SASH1: variants seen among roughly 807,000 people sequenced by gnomAD.
SASH1 encodes the protein SAM and SH3 domain-containing protein 1.
A neutral mutation model predicts 125.2 loss-of-function variants in SASH1; 44 were observed. That is an observed-to-expected ratio of 0.35 (90% CI 0.28 to 0.45). The LOEUF (loss-of-function observed/expected upper bound fraction) is 0.45, where lower values mean the gene tolerates loss of function less well. Among genes scored for constraint, SASH1 ranks in the 20% least tolerant of loss-of-function variants. The probability of loss-of-function intolerance (pLI) is 1.00; values close to 1 mark genes in which losing one functional copy is unlikely to be tolerated. For synonymous variants in SASH1, 639 were observed against 649.1 expected (o/e 0.98, Z 0.24); for missense variants, 1,426 against 1,614.5 (o/e 0.88, Z 2.00).
At chr6:148,271,654 A>G (rs537224165), upstream of SASH1, among the ~76,000 whole-genome samples, 55 of 152,304 alleles carry the variant, frequency 3.6e-4, no homozygotes, top group African/African-American at 1.3e-3. Context: ...GCCCCAGCGA[A>G]GGTGTTTCAG....
At chr6:148,336,673 T>C (rs1781165508) in intron 1 of SASH1, among the ~76,000 whole-genome samples, 1 of 152,224 alleles carries the variant, frequency 6.6e-6, no homozygotes, top group Non-Finnish European at 1.5e-5. Flanking sequence ...AAACATTTGA[T>C]TGGATATAAT....
chr6:148,299,086 A>G (rs1779861777), intron 1 of SASH1, among the ~76,000 whole-genome samples: 1 of 152,220 alleles, frequency 6.6e-6, no homozygotes, highest in South Asian at 2.1e-4. Context: ...TTTTTGAGTT[A>G]AAGGAGGGAA....
In SASH1 at chr6:148,544,684, G is replaced by A; in HGVS notation, c.3214G>A (p.Glu1072Lys). The A allele has an allele frequency of 6.2e-7, 1 of 1,613,152 alleles. No individual in the cohort carries two copies. The highest frequency in any genetic ancestry group is 8.5e-7 in the Non-Finnish European group (1 of 1,179,604). ...SELPENTSLQ[E>K]HGVKLGPALT... ...GCTCCCCGAGAACACAAGCCTCCAG[G>A]AGCACGGTGTGAAGCTGGGCCCGGC... The change falls in exon 18 of 20, where the codon GAG becomes AAG. Residue 1072 changes from glutamate to lysine, a missense_variant. Glu to Lys is a moderately conservative substitution (Grantham distance 56, BLOSUM62 1). Around this residue, in one of 3 missense-constraint regions of SASH1, gnomAD observed 634 missense variants for 694.4 expected, o/e 0.91. Coordinates refer to ENST00000367467, the MANE Select transcript of SASH1 (RefSeq NM_015278.5). The surrounding 1 kb of genome is among the most constrained non-coding windows in gnomAD (Gnocchi z 6.4).
At chr6:148,402,024 T>G (rs1211997979) in intron 2 of SASH1, among the ~76,000 whole-genome samples, 1 of 152,254 alleles carries the variant, frequency 6.6e-6, no homozygotes, top group Admixed American at 6.5e-5. Flanking sequence ...TCAGTCATTT[T>G]GATTCATGAA....
At chr6:148,336,588 G>C (rs549417077) in intron 1 of SASH1, among the ~76,000 whole-genome samples, 2 of 152,290 alleles carry the variant, frequency 1.3e-5, no homozygotes, top group African/African-American at 2.4e-5. Context: ...CTCTAAACCA[G>C]AAGTGGTTCA....
intron 1 of SASH1, among the ~76,000 whole-genome samples, chr6:148,321,390 T>TA (rs10573800): frequency 3.5e-4 from 49 of 141,828 alleles, no homozygotes; most frequent in South Asian, 1.4e-3. Context: ...AACTCTGTCT[T>TA]AAAAAAAAAA....
intron 2 of SASH1, among the ~76,000 whole-genome samples, chr6:148,422,932 G>A (rs1458153192): frequency 1.3e-5 from 2 of 151,348 alleles, no homozygotes; most frequent in Non-Finnish European, 2.9e-5. Context: ...GTGGTTTTTT[G>A]TTTGTTTGTT....
At position 148,436,523 on chromosome 6, in the gene SASH1, A is replaced by T. The variant is rs150496340; in HGVS notation, c.286-3661A>T. 6.8e-3 allele frequency among the ~76,000 whole-genome samples: 1,039 copies of T among 152,072 alleles called. 4 individuals carry two copies. The highest frequency in any genetic ancestry group is 0.01 in the African/African-American group (428 of 41,526). On this transcript the variant is annotated intron_variant, in intron 2 of 19. Coordinates refer to ENST00000367467, the MANE Select transcript of SASH1 (RefSeq NM_015278.5). ...TTGTCTCAAAAATAAAAATAAAAAT[A>T]AAAATTAAAAAAAACAAAAAACCAA... is the stretch of plus-strand genomic sequence containing the variant.
At chr6:148,401,474 GT>G (rs948992332) in intron 2 of SASH1, among the ~76,000 whole-genome samples, 2 of 152,012 alleles carry the variant, frequency 1.3e-5, no homozygotes, top group Non-Finnish European at 2.9e-5. Flanking sequence ...GTCAATCTGT[GT>G]ATTAGAAATG....
intron 11 of SASH1, among the ~76,000 whole-genome samples, chr6:148,525,766 T>C (rs143012215): frequency 8.9e-4 from 135 of 152,318 alleles, no homozygotes; most frequent in African/African-American, 3.1e-3. Flanking sequence ...CCCAAGAGTA[T>C]GTGCTGGCAT....
chr6:148,243,716 A>G, the SASH1 span, among the ~76,000 whole-genome samples: 10,731 of 151,176 alleles, frequency 0.071, 428 homozygotes, highest in Middle Eastern at 0.097. Flanking sequence ...ATCCTGCTTT[A>G]AAGTTGGACT....
chr6:148,198,950 G>A, the SASH1 span, among the ~76,000 whole-genome samples: 20 of 152,192 alleles, frequency 1.3e-4, no homozygotes, highest in African/African-American at 2.4e-4. Flanking sequence ...AGTACTTATC[G>A]GGGCCTGTGA....
intron 2 of SASH1, among the ~76,000 whole-genome samples, chr6:148,428,629 C>CAAAAAAAAAAAAAAAAAAAAA (rs369165377): frequency 1.2e-5 from 1 of 81,800 alleles, no homozygotes; most frequent in Non-Finnish European, 2.3e-5. Context: ...AACTTTATCT[C>CAAAAAAAAAAAAAAAAAAAAA]AAAAAAAAAA....
the SASH1 span, among the ~76,000 whole-genome samples, chr6:148,213,505 G>GGTGTGTGTGTGTGTGTGTGTGTGTGTGT: frequency 3.4e-4 from 50 of 148,452 alleles, no homozygotes; most frequent in African/African-American, 7.2e-4. Context: ...CTAGCCAAAG[G>GGTGTGTGTGTGTGTGTGTGTGTGTGTGT]GTGTGTGTGT....
At chr6:148,341,581 G>A (rs1781328532), upstream of SASH1, among the ~76,000 whole-genome samples, 1 of 151,922 alleles carries the variant, frequency 6.6e-6, no homozygotes, top group African/African-American at 2.4e-5. Flanking sequence ...GCATTGATTG[G>A]TGCTCACAGC....
intron 4 of SASH1, among the ~76,000 whole-genome samples, chr6:148,451,973 G>A (rs1328967785): frequency 6.6e-6 from 1 of 152,112 alleles, no homozygotes; most frequent in Non-Finnish European, 1.5e-5. Flanking sequence ...GTATGGGAGT[G>A]AGGATGTCAC....
At chr6:148,515,301 A>C (rs1281942574) in intron 9 of SASH1, among the ~76,000 whole-genome samples, 3 of 152,218 alleles carry the variant, frequency 2.0e-5, no homozygotes, top group African/African-American at 7.2e-5. Context: ...TCATATCTAC[A>C]TTGTGAGGAA....
intron 1 of SASH1, among the ~76,000 whole-genome samples, chr6:148,302,818 G>A: frequency 1.9e-5 from 1 of 51,614 alleles, no homozygotes; most frequent in Non-Finnish European, 3.8e-5. Flanking sequence ...CTGACCTCAG[G>A]AGTATATATA....
the SASH1 span, among the ~76,000 whole-genome samples, chr6:148,262,946 G>T: frequency 1.3e-5 from 2 of 152,180 alleles, no homozygotes; most frequent in Non-Finnish European, 2.9e-5. Context: ...GAGCTGCTGG[G>T]GTTGTAAATT....
Sources: allele counts gnomAD v4.1 joint callset (sites outside exome capture counted in the v4.1 genomes callset), GRCh38; gene constraint gnomAD v4.1.1; regional missense constraint gnomAD v4.1.1; non-coding constraint Gnocchi (gnomAD v3.1); transcripts MANE v1.5; gene names NCBI Gene and HGNC (gene_info 2026-07-23, HGNC 2026-07-21).